Variants in FAM53B observed in about 807,000 individuals in gnomAD.
FAM53B encodes the protein family with sequence similarity 53 member B.
A neutral mutation model predicts 32.7 loss-of-function variants in FAM53B; 12 were observed. That is an observed-to-expected ratio of 0.37 (90% CI 0.24 to 0.59). The LOEUF is 0.59. FAM53B is among the 20% of genes least tolerant of loss of function. FAM53B has a pLI of 0.72. For synonymous variants in FAM53B, 234 were observed against 228.7 expected (o/e 1.02, Z -0.21); for missense variants, 477 against 577.7 (o/e 0.83, Z 1.79).
intron 1 of FAM53B, among the ~76,000 whole-genome samples, chr10:124,737,511 G>A (rs185828526): frequency 2.0e-5 from 3 of 152,264 alleles, no homozygotes; most frequent in Admixed American, 1.3e-4. Context: ...AAGGTTCCAC[G>A]TCATGAGAAC....
intron 2 of FAM53B, among the ~76,000 whole-genome samples, chr10:124,700,648 T>G (rs549874780): frequency 1.3e-5 from 2 of 152,336 alleles, no homozygotes; most frequent in South Asian, 4.1e-4. Context: ...TTCAGGGCCA[T>G]CTGTCTGACT....
intron 1 of FAM53B, among the ~76,000 whole-genome samples, chr10:124,717,594 G>C (rs1950044911): frequency 6.6e-6 from 1 of 152,214 alleles, no homozygotes; most frequent in Non-Finnish European, 1.5e-5. Context: ...CAGGCCACAG[G>C]GACTCTTCCA....
chr10:124,705,356 A>G (rs935601273), intron 2 of FAM53B, among the ~76,000 whole-genome samples: 4 of 152,256 alleles, frequency 2.6e-5, no homozygotes, highest in Non-Finnish European at 5.9e-5. Flanking sequence ...TCCAGGTTGC[A>G]GCTGCCTCAT....
intron 4 of FAM53B, among the ~76,000 whole-genome samples, chr10:124,647,658 G>A (rs530681541): frequency 3.9e-5 from 6 of 152,254 alleles, no homozygotes; most frequent in African/African-American, 1.2e-4. Flanking sequence ...CAGAGGGCAG[G>A]GAAGGCCTGT....
intron 1 of FAM53B, among the ~76,000 whole-genome samples, chr10:124,734,015 C>T (rs955287419): frequency 6.6e-6 from 1 of 152,230 alleles, no homozygotes; most frequent in East Asian, 1.9e-4. Context: ...TCTGTCTAAA[C>T]TCCTGCTCAT....
chr10:124,715,658 T>A (rs536340199), intron 1 of FAM53B, among the ~76,000 whole-genome samples: 1 of 152,342 alleles, frequency 6.6e-6, no homozygotes, highest in African/African-American at 2.4e-5. Flanking sequence ...CTGATGTCTA[T>A]CTGCTAAGTC....
Position 124,651,267 on chromosome 10 carries a change from CCCCAGGG to C in FAM53B, c.907-27670_907-27664del, listed in dbSNP as rs1949553595. Among the ~76,000 whole-genome samples the C allele has an allele frequency of 6.6e-6, 1 of 152,228 alleles. No homozygotes were observed. The highest frequency in any genetic ancestry group is 1.5e-5 in the Non-Finnish European group (1 of 68,040). ...TGCTAGCCTTTTCCAGGAGCTGAGG[CCCCAGGG>C]CCCTAACTCAGTTCCCTCGTGTTCC... is the stretch of plus-strand genomic sequence containing the variant. On this transcript the variant is annotated intron_variant, in intron 4 of 4. Coordinates refer to ENST00000337318, the MANE Select transcript of FAM53B (RefSeq NM_014661.4). The surrounding 1 kb of genome is among the most constrained non-coding windows in gnomAD (Gnocchi z 5.2).
intron 1 of FAM53B, among the ~76,000 whole-genome samples, chr10:124,710,862 G>A (rs1949996947): frequency 6.6e-6 from 1 of 152,128 alleles, no homozygotes; most frequent in Non-Finnish European, 1.5e-5. Flanking sequence ...TTGAACCCTG[G>A]TGGGCCAGCA....
chr10:124,725,308 G>A (rs1042461628), intron 1 of FAM53B, among the ~76,000 whole-genome samples: 17 of 152,352 alleles, frequency 1.1e-4, no homozygotes, highest in South Asian at 4.1e-4. Flanking sequence ...CCCCAGATGG[G>A]TCCCAGGGTC....
In FAM53B at chr10:124,623,210, C is replaced by A; in HGVS notation, c.*32G>T. 1 of 1,542,968 alleles carries A rather than the reference C, an allele frequency of 6.5e-7. No individual in the cohort carries two copies. The highest frequency in any genetic ancestry group is 8.7e-7 in the Non-Finnish European group (1 of 1,143,436). On this transcript the variant is annotated 3_prime_UTR_variant, in exon 5 of 5. Coordinates refer to ENST00000337318, the MANE Select transcript of FAM53B (RefSeq NM_014661.4). ...CCAGAGTGGGGGCTGTCGATGCCAG[C>A]ACACCCCAGCCCTGCCTGGGCCCAC...
chr10:124,701,250 C>T (rs1949913318), intron 2 of FAM53B, among the ~76,000 whole-genome samples: 1 of 152,240 alleles, frequency 6.6e-6, no homozygotes, highest in East Asian at 1.9e-4. Context: ...AGTGCCCAGG[C>T]AACTGGGTGC....
rs563431474 is a variant in FAM53B at position 124,720,634 on chromosome 10, C to T, written c.-174-13747G>A. ...GCTGGATGAACAGTTAACAGCATGC[C>T]ACCAGTCCTGACAAAAGCCTGCGTG... On this transcript the variant is annotated intron_variant, in intron 1 of 4. Coordinates refer to ENST00000337318, the MANE Select transcript of FAM53B (RefSeq NM_014661.4). Among the ~76,000 whole-genome samples the T allele has an allele frequency of 6.5e-4, 99 of 152,252 alleles. 3 individuals are homozygous for T. The South Asian group carries it at 0.02, about 31-fold the overall frequency.
At chr10:124,669,166 C>A (rs1296847764) in intron 4 of FAM53B, among the ~76,000 whole-genome samples, 1 of 152,210 alleles carries the variant, frequency 6.6e-6, no homozygotes, top group Non-Finnish European at 1.5e-5. Context: ...GGTTCACAAA[C>A]GTTCTGCTTT....
chr10:124,665,915 GTCGGCT>G (rs58898174), intron 4 of FAM53B, among the ~76,000 whole-genome samples: 20,535 of 152,296 alleles, frequency 0.13, 1,594 homozygotes, highest in African/African-American at 0.19. Context: ...TCGGCTTATA[GTCGGCT>G]ACGTAGACAC....
intron 4 of FAM53B, among the ~76,000 whole-genome samples, chr10:124,654,458 T>A (rs2134052511): frequency 6.6e-6 from 1 of 152,062 alleles, no homozygotes. Flanking sequence ...AGGTGGTGTT[T>A]GGCTTCCCAA....
At chr10:124,662,096 G>A (rs972083606) in intron 4 of FAM53B, among the ~76,000 whole-genome samples, 3 of 152,212 alleles carry the variant, frequency 2.0e-5, no homozygotes, top group African/African-American at 4.8e-5. Context: ...TGAGATGGGA[G>A]GGGCCTGGCA....
chr10:124,727,341 G>GC, intron 1 of FAM53B, among the ~76,000 whole-genome samples: 3 of 140,386 alleles, frequency 2.1e-5, no homozygotes, highest in African/African-American at 7.8e-5. Flanking sequence ...GGGGGGGGGG[G>GC]GGGTGCGGGG....
At chr10:124,701,736 C>T (rs890852813) in intron 2 of FAM53B, among the ~76,000 whole-genome samples, 2 of 152,160 alleles carry the variant, frequency 1.3e-5, no homozygotes, top group South Asian at 2.1e-4. Flanking sequence ...CCATGGCTGC[C>T]GGCAGTGCAA....
intron 1 of FAM53B, among the ~76,000 whole-genome samples, chr10:124,743,340 G>A (rs1320110233): frequency 6.6e-6 from 1 of 152,164 alleles, no homozygotes; most frequent in African/African-American, 2.4e-5. Context: ...TGTGCCGGAC[G>A]GCCCTTCTCG....
Sources: gnomAD v4.1 joint callset for allele counts (sites outside exome capture counted in the v4.1 genomes callset) on GRCh38, gnomAD v4.1.1 for gene constraint, Gnocchi (gnomAD v3.1) non-coding constraint, MANE v1.5 for transcripts, NCBI Gene and HGNC (gene_info 2026-07-23, HGNC 2026-07-21) for gene names.